Variants in CCSER1 observed in about 807,000 individuals in gnomAD.
CCSER1 encodes the protein serine-rich coiled-coil domain-containing protein 1.
Under a neutral mutation model 82.0 loss-of-function variants are expected in CCSER1, and 41 were observed. The ratio of observed to expected loss-of-function variants is 0.50; its 90% CI spans 0.39 to 0.65. The LOEUF (loss-of-function observed/expected upper bound fraction) is 0.65. Ranked by LOEUF, CCSER1 falls within the 30% of genes least tolerant of loss-of-function variation. The pLI is 0.00. For synonymous variants in CCSER1, 414 were observed against 383.9 expected (o/e 1.08, Z -0.92); for missense variants, 1,119 against 1,064.2 (o/e 1.05, Z -0.72).
chr4:91,365,067 A>C (rs996442107), intron 10 of CCSER1, among the ~76,000 whole-genome samples: 5 of 152,192 alleles, frequency 3.3e-5, no homozygotes, highest in African/African-American at 1.2e-4. Flanking sequence ...TACTTCCATC[A>C]AAGTATAGTG....
At chr4:90,749,319 C>G (rs1037196056) in intron 7 of CCSER1, among the ~76,000 whole-genome samples, 1,722 of 151,666 alleles carry the variant, frequency 0.011, 28 homozygotes, top group African/African-American at 0.039. Flanking sequence ...GCTTGTTTTT[C>G]TCAGGTTTGT....
intron 6 of CCSER1, among the ~76,000 whole-genome samples, chr4:90,718,187 GTTAACACAT>G (rs1741989108): frequency 6.6e-6 from 1 of 151,958 alleles, no homozygotes; most frequent in South Asian, 2.1e-4. Flanking sequence ...CCTAAAATTA[GTTAACACAT>G]TTAAAAGGGG....
chr4:91,594,052 T>C (rs1014972782), intron 10 of CCSER1, among the ~76,000 whole-genome samples: 2 of 152,092 alleles, frequency 1.3e-5, no homozygotes, highest in African/African-American at 4.8e-5. Flanking sequence ...CATTAGGAAT[T>C]CTATGGATAG....
intron 7 of CCSER1, among the ~76,000 whole-genome samples, chr4:90,782,701 T>TTG (rs1753956509): frequency 6.7e-6 from 1 of 149,400 alleles, no homozygotes; most frequent in African/African-American, 2.5e-5. Context: ...TTTTTTTTTT[T>TTG]GAGACAGTCT....
chr4:90,769,863 G>A (rs1437447049), intron 7 of CCSER1, among the ~76,000 whole-genome samples: 1 of 152,234 alleles, frequency 6.6e-6, no homozygotes, highest in African/African-American at 2.4e-5. Flanking sequence ...GTTAATTAGA[G>A]GCCAATACGC....
intron 10 of CCSER1, among the ~76,000 whole-genome samples, chr4:91,161,167 C>T (rs1731354572): frequency 6.6e-6 from 1 of 152,132 alleles, no homozygotes; most frequent in South Asian, 2.1e-4. Context: ...GGAATCCTTT[C>T]CCCACTTCTT....
intron 7 of CCSER1, among the ~76,000 whole-genome samples, chr4:90,768,306 G>C (rs904295593): frequency 1.3e-5 from 2 of 152,144 alleles, no homozygotes; most frequent in Non-Finnish European, 2.9e-5. Context: ...GCTTTGGGAT[G>C]ATTATACACC....
intron 10 of CCSER1, among the ~76,000 whole-genome samples, chr4:91,391,446 G>A (rs1410089525): frequency 6.6e-6 from 1 of 151,940 alleles, no homozygotes; most frequent in Non-Finnish European, 1.5e-5. Context: ...GACTACAGGC[G>A]TGTGCCACCA....
At chr4:90,499,812 G>T (rs1416521822) in intron 5 of CCSER1, among the ~76,000 whole-genome samples, 2 of 152,118 alleles carry the variant, frequency 1.3e-5, no homozygotes, top group Non-Finnish European at 2.9e-5. Context: ...CCCTCTAAAA[G>T]AACTATTTGG....
chr4:91,314,245 C>A (rs1213491718), intron 10 of CCSER1, among the ~76,000 whole-genome samples: 1 of 151,876 alleles, frequency 6.6e-6, no homozygotes, highest in Non-Finnish European at 1.5e-5. Flanking sequence ...TAGTCAGTGA[C>A]CATACCTCAG....
chr4:91,176,796 T>C (rs1036905062), intron 10 of CCSER1, among the ~76,000 whole-genome samples: 2 of 152,300 alleles, frequency 1.3e-5, no homozygotes, highest in African/African-American at 4.8e-5. Context: ...CTTTTCCTAA[T>C]TGAATACCCT....
intron 10 of CCSER1, among the ~76,000 whole-genome samples, chr4:91,250,739 TA>T (rs1369489940): frequency 6.6e-6 from 1 of 151,790 alleles, no homozygotes; most frequent in Non-Finnish European, 1.5e-5. Context: ...AGAATTTTTT[TA>T]AAAAACACAA....
chr4:90,950,535 CACAT>C (rs77454234), intron 9 of CCSER1, among the ~76,000 whole-genome samples: 14,053 of 151,826 alleles, frequency 0.093, 788 homozygotes, highest in Admixed American at 0.15. Flanking sequence ...TGCACACACA[CACAT>C]ACACACACGT....
At chr4:91,536,297 G>A (rs1377517184) in intron 10 of CCSER1, among the ~76,000 whole-genome samples, 1 of 152,048 alleles carries the variant, frequency 6.6e-6, no homozygotes. Flanking sequence ...ATTTTGGAAT[G>A]GGTATACATA....
At chr4:90,162,170 C>T in intron 1 of CCSER1, among the ~76,000 whole-genome samples, 1 of 152,082 alleles carries the variant, frequency 6.6e-6, no homozygotes, top group East Asian at 1.9e-4. Flanking sequence ...TCAGGAAGCT[C>T]ATTTTGACAT....
intron 5 of CCSER1, among the ~76,000 whole-genome samples, chr4:90,489,040 A>T (rs1767559810): frequency 6.6e-6 from 1 of 152,214 alleles, no homozygotes; most frequent in South Asian, 2.1e-4. Context: ...GAATAATGAG[A>T]CTGCCTTGTA....
At position 91,545,304 on chromosome 4, in the gene CCSER1, G is replaced by A. The variant is rs188793312; in HGVS notation, c.2218-53268G>A. On this transcript the variant is annotated intron_variant, in intron 10 of 10. Coordinates refer to ENST00000509176, the MANE Select transcript of CCSER1 (RefSeq NM_001145065.2). ...GTGAGGTGATGCCCCGCCCTGCTTC[G>A]GCTCATGGTCTGTGTGCTGCACCCA... 1.3e-3 allele frequency among the ~76,000 whole-genome samples: 195 copies of A among 152,078 alleles called. 2 individuals carry two copies. In the East Asian group the frequency reaches 0.026, roughly 20 times the overall value.
intron 1 of CCSER1, among the ~76,000 whole-genome samples, chr4:90,134,563 G>T (rs1339160432): frequency 6.6e-6 from 1 of 152,212 alleles, no homozygotes; most frequent in Non-Finnish European, 1.5e-5. Context: ...TTTTGTGAAT[G>T]TGTGCGTTCA....
At chr4:90,847,416 G>T (rs1388714332) in intron 8 of CCSER1, among the ~76,000 whole-genome samples, 1 of 152,162 alleles carries the variant, frequency 6.6e-6, no homozygotes. Flanking sequence ...TCAGGATCTT[G>T]ACCTTGCTTC....
Sources: allele counts gnomAD v4.1 joint callset (sites outside exome capture counted in the v4.1 genomes callset), GRCh38; gene constraint gnomAD v4.1.1; transcripts MANE v1.5; gene names NCBI Gene and HGNC (gene_info 2026-07-23, HGNC 2026-07-21).